The following GHR variants were observed in gnomAD, a reference collection of about 807,000 sequenced individuals.
The protein encoded by GHR is growth hormone receptor, also known as GH receptor.
A neutral mutation model predicts 67.1 loss-of-function variants in GHR; 35 were observed. That is an observed-to-expected ratio of 0.52 (90% CI 0.40 to 0.69). The LOEUF is 0.69. GHR is among the 30% of genes least tolerant of loss of function. GHR has a pLI of 0.00. For missense variants in GHR, 792 were observed against 764.6 expected (o/e 1.04, Z -0.42); for synonymous variants, 272 against 269.1 (o/e 1.01, Z -0.10).
rs1742739320 is a variant in GHR at position 42,424,185 on chromosome 5, T to TGTGC, written c.-12+233_-12+234insCGTG. On this transcript the variant is annotated intron_variant, in intron 1 of 9. Transcript: ENST00000230882. This position sits in a 1 kb window ranked among gnomAD's most constrained non-coding sequence, Gnocchi z 4.1. The stretch of plus-strand genomic sequence containing the variant: ...TAACCCAATCTAGTGTGTGTGTGTG[T>TGTGC]GTGTGTGTGTGTGTGTGTGTGTGTG... Among the ~76,000 whole-genome samples, 1 of 148,544 alleles carries TGTGC rather than the reference T, an allele frequency of 6.7e-6. No homozygotes were observed. Among genetic ancestry groups the TGTGC allele is most frequent in the African/African-American group, 2.5e-5 (1 of 40,380 alleles).
At chr5:42,508,755 T>C (rs531683035) in intron 1 of GHR, among the ~76,000 whole-genome samples, 2 of 152,282 alleles carry the variant, frequency 1.3e-5, no homozygotes, top group South Asian at 2.1e-4. Flanking sequence ...TTGTATTTTT[T>C]AGTAGAGACG....
chr5:42,468,053 A>G, intron 1 of GHR: 1 of 874,070 alleles, frequency 1.1e-6, no homozygotes, highest in Non-Finnish European at 1.8e-6. Context: ...GATTCTTCCT[A>G]ATATGATGCG....
rs757772042 is a variant in GHR, at chr5:42,535,732, G to A, written c.-11-30132G>A. 2.6e-5 allele frequency among the ~76,000 whole-genome samples: 4 copies of A among 152,120 alleles called. No individual in the cohort carries two copies. The East Asian group carries it at 7.7e-4, about 29-fold the overall frequency. ...TTTTGAAGGAGAAGGTTTTGAATTTGTAGGTTGCTTTTGGCAGTGTGATCG... is the reference window on the plus strand; with the variant it reads ...TTTTGAAGGAGAAGGTTTTGAATTTATAGGTTGCTTTTGGCAGTGTGATCG... On this transcript the variant is annotated intron_variant, in intron 1 of 9. Coordinates refer to ENST00000230882, the MANE Select transcript of GHR (RefSeq NM_000163.5).
intron 8 of GHR, 55 bp downstream of exon 8, chr5:42,713,574 A>G: frequency 2.5e-6 from 2 of 815,366 alleles, no homozygotes; most frequent in Middle Eastern, 2.2e-4. Context: ...AGATTTCCAT[A>G]TGTGTTTCTA....
At position 42,719,031 on chromosome 5, in the gene GHR, G is replaced by A; in HGVS notation, c.1524G>A (p.Lys508=). 1 of 1,608,210 alleles carries A rather than the reference G, an allele frequency of 6.2e-7. No homozygotes were observed. Among genetic ancestry groups the A allele is most frequent in the South Asian group, 1.1e-5 (1 of 90,348 alleles). Residue 508 remains lysine, a synonymous_variant, in exon 10 of 10, where the codon AAG becomes AAA. Transcript: ENST00000230882. ...SVVLSPGQKN[K]AGMSQCDMHP... Reference sequence around the variant, plus strand: ...TCCTTTCCCCGGGCCAAAAGAATAAGGCAGGGATGTCCCAATGTGACATGC... The same window carrying A: ...TCCTTTCCCCGGGCCAAAAGAATAAAGCAGGGATGTCCCAATGTGACATGC...
At chr5:42,631,196 G>A (rs992312350) in intron 3 of GHR, among the ~76,000 whole-genome samples, 4 of 152,324 alleles carry the variant, frequency 2.6e-5, no homozygotes, top group South Asian at 2.1e-4. Flanking sequence ...TATGGAGGAT[G>A]TGTTGAACAA....
At chr5:42,533,770 A>T (rs1748083143) in intron 1 of GHR, among the ~76,000 whole-genome samples, 1 of 151,632 alleles carries the variant, frequency 6.6e-6, no homozygotes, top group Admixed American at 6.6e-5. Flanking sequence ...ATTCTAGTGC[A>T]CCCATCACCC....
intron 3 of GHR, among the ~76,000 whole-genome samples, chr5:42,649,771 A>G (rs1349862129): frequency 1.3e-5 from 2 of 152,178 alleles, no homozygotes; most frequent in Non-Finnish European, 2.9e-5. Context: ...TTAAATCTTA[A>G]AAGCATGTTC....
intron 1 of GHR, among the ~76,000 whole-genome samples, chr5:42,480,421 A>T (rs1173149911): frequency 6.6e-6 from 1 of 152,058 alleles, no homozygotes; most frequent in African/African-American, 2.4e-5. Flanking sequence ...TGTAGAACTG[A>T]GTTCAATTCC....
intron 1 of GHR, among the ~76,000 whole-genome samples, chr5:42,490,245 C>T (rs1167716472): frequency 6.6e-6 from 1 of 152,178 alleles, no homozygotes; most frequent in Non-Finnish European, 1.5e-5. Context: ...TGCCAGAGAC[C>T]ACATTGACTC....
chr5:42,690,938 T>G lies in GHR; in HGVS notation c.266+1919T>G, dbSNP rs534591218. Among the ~76,000 whole-genome samples, 19 of 152,326 alleles carry G rather than the reference T, an allele frequency of 1.2e-4. 1 individual carries two copies. The highest frequency in any genetic ancestry group is 4.6e-4 in the African/African-American group (19 of 41,574). On this transcript the variant is annotated intron_variant, in intron 4 of 9. Transcript: ENST00000230882. ...TGTAAAGAAAAGTAGCAGAATAACC[T>G]CTTAAGCTGGGCCCACTTTATGAAA...
chr5:42,680,019 C>G (rs1179420028), intron 3 of GHR, among the ~76,000 whole-genome samples: 1 of 152,174 alleles, frequency 6.6e-6, no homozygotes, highest in Non-Finnish European at 1.5e-5. Flanking sequence ...ATCGCCTTAA[C>G]CAAATATAAA....
chr5:42,456,984 A>T (rs977367673), intron 1 of GHR, among the ~76,000 whole-genome samples: 16 of 152,150 alleles, frequency 1.1e-4, no homozygotes, highest in African/African-American at 1.9e-4. Flanking sequence ...CCCCTCTTTC[A>T]TTATTTCTTA....
chr5:42,715,062 T>C (rs1021833735), intron 8 of GHR: 3 of 384,578 alleles, frequency 7.8e-6, no homozygotes, highest in Non-Finnish European at 1.5e-5. Context: ...AACATATTAC[T>C]TCTAATACAG....
intron 3 of GHR, among the ~76,000 whole-genome samples, chr5:42,681,514 T>G (rs1247590795): frequency 6.6e-6 from 1 of 152,166 alleles, no homozygotes; most frequent in Non-Finnish European, 1.5e-5. Context: ...TTGGTGGGAG[T>G]GTAAATTAGT....
At chr5:42,489,980 GA>G (rs1412884355) in intron 1 of GHR, among the ~76,000 whole-genome samples, 1 of 151,690 alleles carries the variant, frequency 6.6e-6, no homozygotes, top group African/African-American at 2.4e-5. Context: ...GATTCTAAAA[GA>G]AAATATAGCA....
chr5:42,540,940 CTTG>C (rs1179441855), intron 1 of GHR, among the ~76,000 whole-genome samples: 5 of 116,922 alleles, frequency 4.3e-5, no homozygotes, highest in Admixed American at 2.5e-4. Context: ...TAGTATTTTC[CTTG>C]TTTTTTTTTT....
intron 2 of GHR, among the ~76,000 whole-genome samples, chr5:42,580,619 A>G (rs913960178): frequency 2.0e-5 from 3 of 152,178 alleles, no homozygotes; most frequent in Admixed American, 1.3e-4. Context: ...CTGTTTACTG[A>G]TGAGGAAGCC....
At chr5:42,663,079 C>A (rs369097932) in intron 3 of GHR, among the ~76,000 whole-genome samples, 23 of 152,194 alleles carry the variant, frequency 1.5e-4, no homozygotes, top group Non-Finnish European at 2.5e-4. Flanking sequence ...CAATAACAGG[C>A]TCTGAAATTG....
Sources: gnomAD v4.1 joint callset for allele counts (sites outside exome capture counted in the v4.1 genomes callset) on GRCh38, gnomAD v4.1.1 for gene constraint, Gnocchi (gnomAD v3.1) non-coding constraint, MANE v1.5 for transcripts, NCBI Gene and HGNC (gene_info 2026-07-23, HGNC 2026-07-21) for gene names.